The following EBF1 variants were observed in gnomAD, a reference collection of about 807,000 sequenced individuals.
The protein encoded by EBF1 is EBF transcription factor 1.
In EBF1, 10 loss-of-function variants were observed where a neutral mutation model predicts 68.4. That is an observed-to-expected ratio of 0.15 (90% CI 0.09 to 0.25). The LOEUF (loss-of-function observed/expected upper bound fraction) is 0.25. EBF1 is among the 10% of genes least tolerant of loss of function. The pLI is 1.00. For synonymous variants in EBF1, 298 were observed against 299.8 expected (o/e 0.99, Z 0.06); for missense variants, 509 against 794.4 (o/e 0.64, Z 4.32).
chr5:158,895,716 C>A (rs933938483), intron 6 of EBF1, among the ~76,000 whole-genome samples: 2 of 152,144 alleles, frequency 1.3e-5, no homozygotes, highest in Admixed American at 1.3e-4. Flanking sequence ...GATTCTGAAG[C>A]CTGGTAGCCT....
chr5:159,078,383 C>A (rs1304182081), intron 5 of EBF1, among the ~76,000 whole-genome samples: 4 of 152,202 alleles, frequency 2.6e-5, no homozygotes, highest in Non-Finnish European at 5.9e-5. Flanking sequence ...CATACTGAAA[C>A]AATTCCGTAG....
At chr5:158,741,145 C>A (rs1766294615) in intron 10 of EBF1, among the ~76,000 whole-genome samples, 1 of 152,222 alleles carries the variant, frequency 6.6e-6, no homozygotes, top group Non-Finnish European at 1.5e-5. Flanking sequence ...CACCACACAA[C>A]TTTGCACACC....
intron 6 of EBF1, among the ~76,000 whole-genome samples, chr5:158,972,627 G>A (rs907303543): frequency 6.6e-6 from 1 of 152,236 alleles, no homozygotes; most frequent in African/African-American, 2.4e-5. Flanking sequence ...TAACGCTAAT[G>A]ACTAGGTGGA....
chr5:158,769,672 A>G (rs1204381773), intron 10 of EBF1, among the ~76,000 whole-genome samples: 1 of 152,140 alleles, frequency 6.6e-6, no homozygotes, highest in Non-Finnish European at 1.5e-5. Flanking sequence ...GCAGATTCAG[A>G]ATCACTGATC....
intron 4 of EBF1, among the ~76,000 whole-genome samples, chr5:159,087,302 A>C (rs1780832852): frequency 7.0e-6 from 1 of 143,608 alleles, no homozygotes; most frequent in African/African-American, 2.6e-5. Context: ...ACATATATAT[A>C]TACACACACA....
chr5:158,994,888 A>C (rs549947198), intron 6 of EBF1, among the ~76,000 whole-genome samples: 2 of 152,314 alleles, frequency 1.3e-5, no homozygotes, highest in Admixed American at 1.3e-4. Context: ...CATTTTGATT[A>C]TCAAAAATTT....
At chr5:158,809,511 T>G (rs1782206467) in intron 8 of EBF1, among the ~76,000 whole-genome samples, 1 of 152,164 alleles carries the variant, frequency 6.6e-6, no homozygotes, top group African/African-American at 2.4e-5. Context: ...GGGTGGATAT[T>G]TATTAACTTT....
intron 10 of EBF1, among the ~76,000 whole-genome samples, chr5:158,752,401 G>C (rs1769120537): frequency 6.8e-6 from 1 of 146,644 alleles, no homozygotes; most frequent in Non-Finnish European, 1.5e-5. Flanking sequence ...AATCTATAAA[G>C]ATGCAGAAAG....
intron 6 of EBF1, among the ~76,000 whole-genome samples, chr5:158,889,190 T>C (rs1189478165): frequency 6.6e-6 from 1 of 152,180 alleles, no homozygotes; most frequent in Non-Finnish European, 1.5e-5. Context: ...ACTGTATGCC[T>C]GGCCTATGGT....
At chr5:159,073,625 C>A (rs1474268778) in intron 5 of EBF1, 161 bp from the exon 6 acceptor site, 2 of 723,152 alleles carry the variant, frequency 2.8e-6, no homozygotes, top group Non-Finnish European at 2.3e-6. Flanking sequence ...CTATTTGGGT[C>A]ACCTATGGGT....
At chr5:158,844,304 C>T (rs73816078) in intron 6 of EBF1, among the ~76,000 whole-genome samples, 137 of 147,620 alleles carry the variant, frequency 9.3e-4, no homozygotes, top group African/African-American at 2.5e-3. Flanking sequence ...GTTAATTATT[C>T]AGAGCACTTA....
intron 6 of EBF1, among the ~76,000 whole-genome samples, chr5:158,901,509 T>C (rs1250591431): frequency 1.3e-5 from 2 of 152,228 alleles, no homozygotes; most frequent in African/African-American, 4.8e-5. Context: ...CAATCATTTT[T>C]TTCATTCTTC....
Position 158,731,584 on chromosome 5 carries a change from G to A in EBF1, c.1037-427C>T, listed in dbSNP as rs560855373. On this transcript the variant is annotated intron_variant, in intron 10 of 15. Transcript: ENST00000313708. ...TCTGCTTAACTGCAAAATCCTTAGC[G>A]GACCTCAGCTGATACAATATCTCAG... 3.9e-5 allele frequency among the ~76,000 whole-genome samples: 6 copies of A among 152,248 alleles called. No homozygotes were observed. The East Asian group carries it at 5.8e-4, about 15-fold the overall frequency.
intron 6 of EBF1, among the ~76,000 whole-genome samples, chr5:159,040,952 G>A (rs1056137154): frequency 2.0e-5 from 3 of 152,046 alleles, no homozygotes; most frequent in South Asian, 2.1e-4. Context: ...GTGGCTGTAT[G>A]TAGACAAGAG....
intron 7 of EBF1, among the ~76,000 whole-genome samples, chr5:158,830,330 G>A (rs1383622497): frequency 3.9e-5 from 6 of 152,050 alleles, no homozygotes; most frequent in African/African-American, 1.2e-4. Flanking sequence ...GGACTGCAGG[G>A]CGTAATCTCG....
In EBF1 at chr5:158,695,961, GAA is replaced by G. The variant is rs1018641460; in HGVS notation, c.*3148_*3149del. 5.6e-6 allele frequency: 1 copy of G among 178,448 alleles called. No individual in the cohort carries two copies. The highest frequency in any genetic ancestry group is 2.5e-5 in the African/African-American group (1 of 40,358). The allele number at this position is 178,448 out of a possible 1,614,324, so 11.1% of individuals were successfully genotyped here. On this transcript the variant is annotated 3_prime_UTR_variant, in exon 16 of 16. Transcript: ENST00000313708. ...ACTTTAATTAAATATTGTGAAAGTT[GAA>G]AAGTTTTTACAGCTTGAATTTTTGC...
chr5:159,042,644 C>T (rs1771456960), intron 6 of EBF1, among the ~76,000 whole-genome samples: 1 of 151,198 alleles, frequency 6.6e-6, no homozygotes, highest in Non-Finnish European at 1.5e-5. Context: ...TCCCCAGCAA[C>T]AAAAACTATA....
chr5:158,759,771 G>A (rs1770987260), intron 10 of EBF1, among the ~76,000 whole-genome samples: 1 of 151,918 alleles, frequency 6.6e-6, no homozygotes, highest in African/African-American at 2.4e-5. Flanking sequence ...CTGCCTCCTT[G>A]TGTATTGCCT....
At chr5:158,805,431 C>T (rs1199616456) in intron 8 of EBF1, among the ~76,000 whole-genome samples, 3 of 152,062 alleles carry the variant, frequency 2.0e-5, no homozygotes, top group Non-Finnish European at 4.4e-5. Context: ...TCCATCTGTT[C>T]GCCAAGGTTT....
Sources: gnomAD v4.1 joint callset for allele counts (sites outside exome capture counted in the v4.1 genomes callset) on GRCh38, gnomAD v4.1.1 for gene constraint, MANE v1.5 for transcripts, NCBI Gene and HGNC (gene_info 2026-07-23, HGNC 2026-07-21) for gene names.